Variants in LY96 observed in about 807,000 individuals in gnomAD.
The protein encoded by LY96 is myeloid differentiation protein-2.
In LY96, 18 loss-of-function variants were observed where a neutral mutation model predicts 18.9. That is an observed-to-expected ratio of 0.95 (90% CI 0.66 to 1.41). The LOEUF is 1.41. LY96 is among the 40% of genes most tolerant of loss of function. LY96 has a pLI of 0.00. For missense variants in LY96, 175 were observed against 182.4 expected (o/e 0.96, Z 0.23); for synonymous variants, 66 against 62.6 (o/e 1.06, Z -0.26).
At position 74,021,733 on chromosome 8, in the gene LY96, A is replaced by C. The variant is rs537706173; in HGVS notation, c.332-5056A>C. Among the ~76,000 whole-genome samples the C allele has an allele frequency of 2.6e-5, 4 of 152,324 alleles. 1 individual carries two copies. The highest frequency in any genetic ancestry group is 2.6e-4 in the Admixed American group (4 of 15,304). On this transcript the variant is annotated intron_variant, in intron 3 of 4. Transcript: ENST00000284818. ...TGGCACATATACACCATGGAATACT[A>C]TGCAGCCATAAAAAACGATGAGTTC...
intron 3 of LY96, among the ~76,000 whole-genome samples, chr8:74,019,971 A>G (rs1334326264): frequency 2.0e-5 from 3 of 152,246 alleles, no homozygotes; most frequent in Non-Finnish European, 1.5e-5. Flanking sequence ...ATCATACTGA[A>G]TGGGCAAAAA....
the LY96 span, among the ~76,000 whole-genome samples, chr8:74,064,679 A>G: frequency 6.6e-6 from 1 of 152,176 alleles, no homozygotes; most frequent in African/African-American, 2.4e-5. Flanking sequence ...TACAGCCTGC[A>G]GAACTGGGAG....
the LY96 span, among the ~76,000 whole-genome samples, chr8:74,078,746 C>T: frequency 1.3e-5 from 2 of 152,106 alleles, no homozygotes; most frequent in Non-Finnish European, 2.9e-5. Flanking sequence ...CCTGGGATGG[C>T]CCTTTCTGCT....
At chr8:74,015,024 T>C (rs1816614455) in intron 3 of LY96, among the ~76,000 whole-genome samples, 1 of 151,722 alleles carries the variant, frequency 6.6e-6, no homozygotes, top group African/African-American at 2.4e-5. Flanking sequence ...CTGGGCAACA[T>C]GGTAAAATGC....
chr8:74,054,175 T>TGG, the LY96 span, among the ~76,000 whole-genome samples: 2 of 152,080 alleles, frequency 1.3e-5, no homozygotes, highest in African/African-American at 4.8e-5. Flanking sequence ...CACAGGTGTG[T>TGG]GTCACCATGC....
At chr8:74,025,654 C>CAAA (rs574843103) in intron 3 of LY96, among the ~76,000 whole-genome samples, 2,337 of 68,766 alleles carry the variant, frequency 0.034, 111 homozygotes, top group African/African-American at 0.1. Flanking sequence ...AACTCCGTCT[C>CAAA]AAAAAAAAAA....
intron 2 of LY96, among the ~76,000 whole-genome samples, chr8:74,008,819 A>T (rs972013965): frequency 6.6e-6 from 1 of 152,172 alleles, no homozygotes; most frequent in Non-Finnish European, 1.5e-5. Context: ...AGTGAAAACT[A>T]AGGAGAACTG....
At chr8:74,081,036 TTCTTTC>T in the LY96 span, among the ~76,000 whole-genome samples, 1 of 124,646 alleles carries the variant, frequency 8.0e-6, no homozygotes, top group Admixed American at 7.8e-5. Flanking sequence ...CTTTCTTTCT[TTCTTTC>T]TTTCTTTTTC....
At chr8:73,999,006 T>C (rs1314904765) in intron 1 of LY96, among the ~76,000 whole-genome samples, 1 of 151,892 alleles carries the variant, frequency 6.6e-6, no homozygotes, top group Non-Finnish European at 1.5e-5. Context: ...AGTCTTGCTC[T>C]GTTGCCCAGG....
the LY96 span, among the ~76,000 whole-genome samples, chr8:74,041,258 C>T: frequency 6.6e-6 from 1 of 152,126 alleles, no homozygotes; most frequent in African/African-American, 2.4e-5. Context: ...TTATGCCTGT[C>T]TTTAATCTCT....
the LY96 span, among the ~76,000 whole-genome samples, chr8:74,051,783 A>G: frequency 6.6e-6 from 1 of 152,166 alleles, no homozygotes; most frequent in South Asian, 2.1e-4. Flanking sequence ...CAGACACCGA[A>G]TTTGCTGGTG....
chr8:74,042,082 A>T, the LY96 span, among the ~76,000 whole-genome samples: 1 of 152,204 alleles, frequency 6.6e-6, no homozygotes, highest in Non-Finnish European at 1.5e-5. Context: ...GCCAGCTGAC[A>T]CTTACGGAAA....
At chr8:74,045,081 C>A in the LY96 span, among the ~76,000 whole-genome samples, 32 of 152,326 alleles carry the variant, frequency 2.1e-4, 1 homozygote, top group East Asian at 6.0e-3. Context: ...TCTTTGCTCC[C>A]TAATAACTGA....
chr8:74,002,093 T>TTCTTTCTCTC lies in LY96; in HGVS notation c.113-2700_113-2699insTTCTCTCTCT, dbSNP rs1563710943. Among the ~76,000 whole-genome samples the TTCTTTCTCTC allele has an allele frequency of 1.1e-3, 44 of 38,726 alleles. 9 individuals are homozygous for TTCTTTCTCTC. The highest frequency in any genetic ancestry group is 2.5e-3 in the African/African-American group (16 of 6,456). 25.4% of individuals were successfully genotyped at this position (38,726 alleles called of 152,430 possible). A position where few individuals can be genotyped will look rare whatever the true frequency, so the allele number is the denominator to read the frequency against. ...TTCCTTCCTTTCTTTCTTTCTTTCT[T>TTCTTTCTCTC]TCTCTCTCTCTCTCTCTCTCTCTCT... is the stretch of plus-strand genomic sequence containing the variant. On this transcript the variant is annotated intron_variant, in intron 1 of 4. Coordinates refer to ENST00000284818, the MANE Select transcript of LY96 (RefSeq NM_015364.5).
the LY96 span, among the ~76,000 whole-genome samples, chr8:74,059,602 GAAAA>G: frequency 6.6e-6 from 1 of 151,698 alleles, no homozygotes. Flanking sequence ...CTTCCTTATG[GAAAA>G]AAAATAAAAT....
At chr8:74,008,006 C>T (rs1419039241) in intron 2 of LY96, among the ~76,000 whole-genome samples, 4 of 152,154 alleles carry the variant, frequency 2.6e-5, no homozygotes, top group African/African-American at 9.7e-5. Context: ...GAGATCTGCC[C>T]GCCTTGGCCT....
chr8:74,042,931 C>G, the LY96 span, among the ~76,000 whole-genome samples: 1 of 152,132 alleles, frequency 6.6e-6, no homozygotes, highest in African/African-American at 2.4e-5. Context: ...CATGTGCCAC[C>G]ACACCCTGCT....
chr8:74,007,717 A>T (rs1469345235), intron 2 of LY96, among the ~76,000 whole-genome samples: 1 of 152,186 alleles, frequency 6.6e-6, no homozygotes, highest in Non-Finnish European at 1.5e-5. Flanking sequence ...TGTCTTTGGT[A>T]AGCTAAAAAA....
chr8:74,090,073 G>T, the LY96 span, among the ~76,000 whole-genome samples: 2 of 152,078 alleles, frequency 1.3e-5, no homozygotes, highest in Non-Finnish European at 2.9e-5. Context: ...AGCAGGGGAG[G>T]TTTGTGGTCT....
Sources: gnomAD v4.1 joint callset for allele counts (sites outside exome capture counted in the v4.1 genomes callset) on GRCh38, gnomAD v4.1.1 for gene constraint, MANE v1.5 for transcripts, NCBI Gene and HGNC (gene_info 2026-07-23, HGNC 2026-07-21) for gene names.